The following AMPD1 variants were observed in gnomAD, a reference collection of about 807,000 sequenced individuals.
The protein encoded by AMPD1 is adenosine monophosphate deaminase 1.
A neutral mutation model predicts 82.9 loss-of-function variants in AMPD1; 74 were observed. The observed-to-expected ratio is 0.89, with a 90% confidence interval of 0.74 to 1.08. The LOEUF (loss-of-function observed/expected upper bound fraction) is 1.08. Ranked by LOEUF, AMPD1 falls within the 50% of genes least tolerant of loss-of-function variation. The pLI, the probability that AMPD1 is intolerant of heterozygous loss-of-function variation, is 0.00. For missense variants in AMPD1, 881 were observed against 924.5 expected, an observed-to-expected ratio of 0.95 and a Z score of 0.61; for synonymous variants, 333 against 320.5, an observed-to-expected ratio of 1.04 and a Z score of -0.42.
chr1:114,677,080 TTCTA>T (rs1658005703), intron 10 of AMPD1, among the ~76,000 whole-genome samples: 1 of 152,100 alleles, frequency 6.6e-6, no homozygotes, highest in Non-Finnish European at 1.5e-5. Context: ...ATAGTTCTTA[TTCTA>T]TCTTAGTTTT....
Position 114,680,322 on chromosome 1 carries a change from G to A in AMPD1, c.704C>T (p.Pro235Leu). The A allele has an allele frequency of 6.2e-7, 1 of 1,614,206 alleles. No homozygotes were observed. The highest frequency in any genetic ancestry group is 8.5e-7 in the Non-Finnish European group (1 of 1,180,044). The change falls in exon 6 of 16, where the codon CCA (proline) becomes CTA (leucine). Residue 235 changes from proline to leucine, a missense_variant. Pro to Leu is a moderately conservative substitution (Grantham distance 98). Transcript: ENST00000520113. ...ATCGTCTAAGAAGGTGTCCAGATTT[G>A]GGTAAGGAAGTGGCTTAGGCTCATC... ...SKDEPKPLPYPNLDTFLDDMN... is the reference protein window; with the variant it reads ...SKDEPKPLPYLNLDTFLDDMN...
intron 9 of AMPD1, 87 bp from the exon 10 acceptor site, chr1:114,677,601 T>A: frequency 6.4e-7 from 1 of 1,559,460 alleles, no homozygotes. Flanking sequence ...TTCTAACTCT[T>A]CCTTTCAGAA....
rs1476609866 is a variant in AMPD1, at chr1:114,673,493, T to A, written c.2085+146A>T. Reference sequence around the variant, plus strand: ...GGCCCAAAAGGCACAGGCAAAGAGATAGAATAATCCCTTCTAGTCCCTGTC... The same window carrying A: ...GGCCCAAAAGGCACAGGCAAAGAGAAAGAATAATCCCTTCTAGTCCCTGTC... On this transcript the variant is annotated intron_variant, in intron 15 of 15. Transcript: ENST00000520113. 1.8e-5 allele frequency: 16 copies of A among 865,780 alleles called. No individual in the cohort carries two copies. The South Asian group carries it at 2.3e-4, about 13-fold the overall frequency. The allele number at this position is 865,780 out of a possible 1,614,324, so 53.6% of individuals were successfully genotyped here. A position where few individuals can be genotyped will look rare whatever the true frequency, so the allele number is the denominator to read the frequency against.
chr1:114,674,085 G>C lies in AMPD1; in HGVS notation c.1801-3C>G. 1 of 1,612,720 alleles carries C rather than the reference G, an allele frequency of 6.2e-7. No individual in the cohort carries two copies. The highest frequency in any genetic ancestry group is 8.5e-7 in the Non-Finnish European group (1 of 1,178,978). On this transcript the variant is annotated splice_region_variant and splice_polypyrimidine_tract_variant and intron_variant, in intron 13 of 15. Transcript: ENST00000520113. ...AACAAGTACTGTAGCACGGGACTCT[G>C]AAAAAGAAAAGTAAAAAAATATTTA...
At position 114,675,960 on chromosome 1, in the gene AMPD1, T is replaced by C. The variant is rs528215739; in HGVS notation, c.1432A>G (p.Met478Val). ...SKNFLPHFGK[M>V]LENIFMPVFE... The stretch of plus-strand genomic sequence containing the variant: ...ACTGGCATGAAAATATTCTCCAGCA[T>C]TTTTCCAAAATGTGGAAGGAAATTC... Residue 478 changes from methionine (M) to valine (V), a missense_variant, in exon 11 of 16, where the codon ATG becomes GTG. Physicochemically the swap from Met to Val is conservative, Grantham distance 21. Coordinates refer to ENST00000520113, the MANE Select transcript of AMPD1 (RefSeq NM_000036.3). 4.0e-5 allele frequency: 65 copies of C among 1,614,010 alleles called. No homozygotes were observed. The highest frequency in any genetic ancestry group is 1.7e-4 in the Middle Eastern group (1 of 6,054).
intron 10 of AMPD1, among the ~76,000 whole-genome samples, chr1:114,676,547 C>T (rs561694703): frequency 1.1e-4 from 16 of 152,158 alleles, no homozygotes; most frequent in Non-Finnish European, 4.4e-5. Context: ...TAACTTAACC[C>T]AAGGTAACAC....
chr1:114,684,856 G>A (rs1490818598), intron 4 of AMPD1, among the ~76,000 whole-genome samples: 2 of 152,112 alleles, frequency 1.3e-5, no homozygotes, highest in Admixed American at 6.5e-5. Context: ...ACCCATGCAC[G>A]GCTTTCTTCA....
rs555678679 is a variant in AMPD1, at chr1:114,676,301, G to A, written c.1389-298C>T. ...TCCTCATAGAGGAATATGCAATTAC[G>A]TCATAAAAGCTTCAATATATGTGTG... On this transcript the variant is annotated intron_variant, in intron 10 of 15. Coordinates refer to ENST00000520113, the MANE Select transcript of AMPD1 (RefSeq NM_000036.3). The A allele has an allele frequency of 3.2e-4, 117 of 368,902 alleles. 2 individuals carry two copies. The highest frequency in any genetic ancestry group is 1.9e-3 in the South Asian group (79 of 42,668). The allele number at this position is 368,902 out of a possible 1,614,324, so 22.9% of individuals were successfully genotyped here. A position where few individuals can be genotyped will look rare whatever the true frequency, so the allele number is the denominator to read the frequency against.
In AMPD1 at chr1:114,694,250, C is replaced by CA. The variant is rs200842534; in HGVS notation, c.23-804dup. On this transcript the variant is annotated intron_variant, in intron 1 of 15. Transcript: ENST00000520113. ...AAAAACAAAAACAAAAACGAACAAA[C>CA]AAAAAAAAACCCCCAAACCATAAAG... Among the ~76,000 whole-genome samples, 1,140 of 149,430 alleles carry CA rather than the reference C, an allele frequency of 7.6e-3. 22 individuals are homozygous for CA. The highest frequency in any genetic ancestry group is 0.026 in the African/African-American group (1,054 of 40,730).
Position 114,678,339 on chromosome 1 carries a change from A to G in AMPD1, c.1086T>C (p.Val362=). 2 of 1,614,164 alleles carry G rather than the reference A, an allele frequency of 1.2e-6. No homozygotes were observed. The highest frequency in any genetic ancestry group is 2.2e-5 in the East Asian group (1 of 44,882). The change falls in exon 8 of 16, where the codon GTT becomes GTC. Residue 362 remains valine (V), a synonymous_variant. Transcript: ENST00000520113. ...PYDLTVDSLD[V]HAGRQTFQRF... is the part of the protein sequence containing the mutation. ...CATTGCCGTTTCAACCTACAGCATG[A>G]ACATCCAGAGAATCAACAGTCAGGT...
chr1:114,686,555 G>T (rs1439684163), intron 4 of AMPD1, among the ~76,000 whole-genome samples, 190 bp downstream of exon 4: 1 of 152,180 alleles, frequency 6.6e-6, no homozygotes, highest in Non-Finnish European at 1.5e-5. Context: ...GATAAATTAT[G>T]TGGGATGATA....
Position 114,674,792 on chromosome 1 carries a change from A to C in AMPD1, c.1760T>G (p.Met587Arg). ...GALTHLMTAF[M>R]IADDISHGLN... ...GCCATGAGAGATATCATCTGCTATC[A>C]TGAATGCTGTCATGAGATGGGTGAG... Residue 587 changes from methionine to arginine, a missense_variant, in exon 13 of 16, where the codon ATG becomes AGG. Around this residue, in one of 2 missense-constraint regions of AMPD1, gnomAD observed 783 missense variants for 786.4 expected, o/e 1.00. Coordinates refer to ENST00000520113, the MANE Select transcript of AMPD1 (RefSeq NM_000036.3). 6.2e-7 allele frequency: 1 copy of C among 1,613,848 alleles called. No homozygotes were observed. The highest frequency in any genetic ancestry group is 8.5e-7 in the Non-Finnish European group (1 of 1,179,690).
At chr1:114,682,724 G>A (rs935190009) in intron 5 of AMPD1, among the ~76,000 whole-genome samples, 17 of 152,174 alleles carry the variant, frequency 1.1e-4, no homozygotes, top group South Asian at 2.1e-4. Flanking sequence ...GACTACAGGC[G>A]CCCGCCACCA....
intron 5 of AMPD1, among the ~76,000 whole-genome samples, chr1:114,683,387 A>C (rs964155306): frequency 6.6e-6 from 1 of 152,168 alleles, no homozygotes; most frequent in East Asian, 1.9e-4. Flanking sequence ...CAGAACCAAC[A>C]GTATAAAAAT....
chr1:114,677,212 A>C, intron 10 of AMPD1, 139 bp downstream of exon 10: 1 of 1,163,660 alleles, frequency 8.6e-7, no homozygotes, highest in Non-Finnish European at 1.2e-6. Flanking sequence ...AAAACCAAGC[A>C]TGCAGGACCC....
At chr1:114,693,355 C>T in intron 2 of AMPD1, 81 bp downstream of exon 2, 1 of 1,360,106 alleles carries the variant, frequency 7.4e-7, no homozygotes, top group Admixed American at 1.7e-5. Context: ...GAAAAATAGC[C>T]ATGTTTCTGA....
chr1:114,681,377 T>G (rs1478110604), intron 5 of AMPD1, among the ~76,000 whole-genome samples: 1 of 151,920 alleles, frequency 6.6e-6, no homozygotes, highest in Admixed American at 6.6e-5. Flanking sequence ...GGTGGGTCAT[T>G]TGAGGTCAGA....
At chr1:114,675,194 A>G (rs903240820) in intron 12 of AMPD1, among the ~76,000 whole-genome samples, 2 of 152,166 alleles carry the variant, frequency 1.3e-5, no homozygotes, top group African/African-American at 4.8e-5. Flanking sequence ...GTTTCCAGAA[A>G]ACTCCAGTAT....
intron 4 of AMPD1, 200 bp from the exon 5 acceptor site, chr1:114,684,564 T>C (rs564189526): frequency 6.5e-4 from 404 of 621,882 alleles, no homozygotes; most frequent in Non-Finnish European, 8.3e-4. Flanking sequence ...TTCTAGCTTC[T>C]TTATTTCTAC....
Sources: allele counts gnomAD v4.1 joint callset (sites outside exome capture counted in the v4.1 genomes callset), GRCh38; gene constraint gnomAD v4.1.1; regional missense constraint gnomAD v4.1.1; transcripts MANE v1.5; gene names NCBI Gene and HGNC (gene_info 2026-07-23, HGNC 2026-07-21).